The following RFX6 variants were observed in gnomAD, a reference collection of about 807,000 sequenced individuals.
RFX6 encodes DNA-binding protein RFX6.
A neutral mutation model predicts 110.8 loss-of-function variants in RFX6; 50 were observed. The observed-to-expected ratio is 0.45, with a 90% confidence interval of 0.36 to 0.57. The LOEUF is 0.57. RFX6 is among the 20% of genes least tolerant of loss of function. The probability of loss-of-function intolerance (pLI) is 0.00; values close to 1 mark genes in which losing one functional copy is unlikely to be tolerated. For synonymous variants in RFX6, 383 were observed against 411.2 expected (o/e 0.93, Z 0.83); for missense variants, 990 against 1,127.0 (o/e 0.88, Z 1.74).
chr6:116,920,210 T>G (rs554364338), intron 11 of RFX6, 100 bp from the exon 12 acceptor site: 93 of 909,576 alleles, frequency 1.0e-4, no homozygotes, highest in Non-Finnish European at 1.6e-4. Flanking sequence ...TTATTTATGA[T>G]ACTTTTATCT....
intron 6 of RFX6, among the ~76,000 whole-genome samples, chr6:116,896,642 A>C (rs1379098866): frequency 6.6e-6 from 1 of 151,990 alleles, no homozygotes; most frequent in East Asian, 1.9e-4. Flanking sequence ...AGAGGCTCGG[A>C]GGTTGCAGTG....
intron 16 of RFX6, 62 bp downstream of exon 16, chr6:116,925,721 T>G (rs1212316634): frequency 8.8e-7 from 1 of 1,131,914 alleles, no homozygotes; most frequent in East Asian, 2.5e-5. Context: ...GCTTCATTTT[T>G]CTTAAAACTC....
chr6:116,897,105 T>C (rs1774964602), intron 6 of RFX6, among the ~76,000 whole-genome samples: 1 of 152,256 alleles, frequency 6.6e-6, no homozygotes, highest in African/African-American at 2.4e-5. Flanking sequence ...AAGGACATTT[T>C]ACACAGGAAG....
chr6:116,923,490 G>A (rs1775646365), intron 14 of RFX6: 3 of 454,586 alleles, frequency 6.6e-6, no homozygotes, highest in Admixed American at 3.5e-5. Context: ...GGTTGTATAG[G>A]TACTTTGGTG....
intron 3 of RFX6, among the ~76,000 whole-genome samples, chr6:116,881,376 G>GT (rs1327662550): frequency 3.9e-5 from 6 of 151,996 alleles, no homozygotes; most frequent in Non-Finnish European, 8.8e-5. Flanking sequence ...CTCAAATATT[G>GT]TATCTTACAC....
chr6:116,893,806 T>C (rs1362858743), intron 4 of RFX6, among the ~76,000 whole-genome samples, 181 bp from the exon 5 acceptor site: 1 of 152,020 alleles, frequency 6.6e-6, no homozygotes, highest in East Asian at 1.9e-4. Flanking sequence ...TAAGTAGGAG[T>C]AGTGACTATC....
chr6:116,931,306 T>C (rs1775878487), intron 18 of RFX6, 25 bp from the exon 19 acceptor site: 6 of 1,564,472 alleles, frequency 3.8e-6, no homozygotes, highest in South Asian at 1.1e-5. Context: ...CAATTTTCAA[T>C]TGCTGATTAT....
At chr6:116,899,144 A>T (rs1201742652) in intron 6 of RFX6, among the ~76,000 whole-genome samples, 1 of 152,200 alleles carries the variant, frequency 6.6e-6, no homozygotes, top group Non-Finnish European at 1.5e-5. Flanking sequence ...AGGAACAGTT[A>T]TAATAAGAGA....
At chr6:116,908,812 C>G (rs937560726) in intron 6 of RFX6, among the ~76,000 whole-genome samples, 2 of 151,930 alleles carry the variant, frequency 1.3e-5, no homozygotes, top group Non-Finnish European at 2.9e-5. Flanking sequence ...ATACAGCATT[C>G]TCCTCTGTTT....
intron 6 of RFX6, among the ~76,000 whole-genome samples, chr6:116,899,750 C>A (rs1282993661): frequency 6.6e-6 from 1 of 152,136 alleles, no homozygotes; most frequent in Non-Finnish European, 1.5e-5. Flanking sequence ...GTCTACCCCA[C>A]TTCTGGAAGG....
At chr6:116,918,301 C>A (rs149271829) in intron 10 of RFX6, among the ~76,000 whole-genome samples, 1 of 151,820 alleles carries the variant, frequency 6.6e-6, no homozygotes, top group Non-Finnish European at 1.5e-5. Flanking sequence ...AATTTGAGAG[C>A]GGCTAAAGTG....
chr6:116,925,732 A>G (rs556022778), intron 16 of RFX6, 73 bp downstream of exon 16: 2 of 969,662 alleles, frequency 2.1e-6, no homozygotes, highest in East Asian at 2.5e-5. Context: ...CTTAAAACTC[A>G]TAACTTCCAG....
In RFX6 at chr6:116,931,794, T is replaced by C. The variant is rs956223328; in HGVS notation, c.*288T>C. ...ATGCAAACATTTCAACTATGAAGAT[T>C]TACATTTCACTTTCTAATTTATTAA... On this transcript the variant is annotated 3_prime_UTR_variant, in exon 19 of 19. Transcript: ENST00000332958. 2.4e-5 allele frequency: 7 copies of C among 292,372 alleles called. No individual in the cohort carries two copies. Among genetic ancestry groups the C allele is most frequent in the Non-Finnish European group, 3.8e-5 (6 of 157,340 alleles). 18.1% of individuals were successfully genotyped at this position (292,372 alleles called of 1,614,324 possible). A position where few individuals can be genotyped will look rare whatever the true frequency, so the allele number is the denominator to read the frequency against.
intron 18 of RFX6, among the ~76,000 whole-genome samples, chr6:116,930,193 C>A (rs1775853084): frequency 6.6e-6 from 1 of 152,114 alleles, no homozygotes; most frequent in African/African-American, 2.4e-5. Flanking sequence ...AAGTGTGCTG[C>A]AGGGTAAAAT....
At chr6:116,922,664 G>A (rs1042199453) in intron 13 of RFX6, among the ~76,000 whole-genome samples, 14 of 151,950 alleles carry the variant, frequency 9.2e-5, no homozygotes, top group African/African-American at 3.4e-4. Context: ...GTTGGTGTTG[G>A]CCATTCCATA....
At chr6:116,929,406 TA>T (rs974357292) in intron 18 of RFX6, among the ~76,000 whole-genome samples, 6 of 151,796 alleles carry the variant, frequency 4.0e-5, no homozygotes, top group African/African-American at 7.3e-5. Context: ...ACTCCAAGAT[TA>T]AAAAAAACTG....
intron 17 of RFX6, among the ~76,000 whole-genome samples, chr6:116,928,403 C>CT (rs1386365692): frequency 2.5e-4 from 38 of 152,206 alleles, no homozygotes; most frequent in Admixed American, 3.9e-4. Flanking sequence ...GGCGATAGTG[C>CT]TTTTTTTCCT....
Position 116,911,000 on chromosome 6 carries a change from C to T in RFX6, c.738C>T (p.Ser246=), listed in dbSNP as rs372387409. The change falls in exon 7 of 19, where the codon AGC becomes AGT. Residue 246 remains serine, a synonymous_variant. Transcript: ENST00000332958. The part of the protein sequence containing the change: ...KTGTLLPEFP[S]AQHLVYQGCI... ...GAACACTTCTTCCAGAATTCCCCAG[C>T]GCTCAACACCTTGTATACCAAGGAT... 101 of 1,613,250 alleles carry T rather than the reference C, an allele frequency of 6.3e-5. No individual in the cohort carries two copies. Among genetic ancestry groups the T allele is most frequent in the Admixed American group, 2.3e-4 (14 of 59,988 alleles).
intron 6 of RFX6, among the ~76,000 whole-genome samples, chr6:116,898,530 C>G (rs1049894067): frequency 6.6e-6 from 1 of 151,910 alleles, no homozygotes; most frequent in Admixed American, 6.6e-5. Flanking sequence ...GATGATTAGA[C>G]TAATGTCTAA....
Sources: gnomAD v4.1 joint callset for allele counts (sites outside exome capture counted in the v4.1 genomes callset) on GRCh38, gnomAD v4.1.1 for gene constraint, MANE v1.5 for transcripts, NCBI Gene and HGNC (gene_info 2026-07-23, HGNC 2026-07-21) for gene names.